The following JAG1 variants were observed in gnomAD, a reference collection of about 807,000 sequenced individuals.
The protein encoded by JAG1 is protein jagged-1.
Under a neutral mutation model 148.7 loss-of-function variants are expected in JAG1, and 23 were observed. The observed-to-expected ratio is 0.15, with a 90% CI of 0.11 to 0.22. The LOEUF is 0.22. Among genes scored for constraint, JAG1 ranks in the 10% least tolerant of loss-of-function variants. The pLI, the probability that JAG1 is intolerant of heterozygous loss-of-function variation, is 1.00. For synonymous variants in JAG1, 572 were observed against 598.3 expected (o/e 0.96, Z 0.64); for missense variants, 1,054 against 1,611.2 (o/e 0.65, Z 5.92).
rs148990028 is a variant in JAG1 at position 10,652,540 on chromosome 20, C to T, written c.814G>A (p.Val272Ile). The T allele has an allele frequency of 1.2e-4, 188 of 1,613,668 alleles. 1 individual carries two copies. The African/African-American group carries it at 1.6e-3, about 13-fold the overall frequency. Residue 272 changes from valine to isoleucine, a missense_variant, in exon 6 of 26, where the codon GTC (valine) becomes ATC (isoleucine). This residue lies in a region of JAG1 where 104 missense variants were observed against 235.2 expected (regional missense o/e 0.44). Coordinates refer to ENST00000254958, the MANE Select transcript of JAG1 (RefSeq NM_000214.3). The part of the protein sequence containing the change: ...CDKCIPHPGC[V>I]HGICNEPWQC... The stretch of plus-strand genomic sequence containing the variant: ...CAGGGCTCATTACAGATGCCGTGGA[C>T]GCATCCCGGGTGTGGGATGCACTTA...
chr20:10,642,563 C>T lies in JAG1; in HGVS notation c.2497G>A (p.Ala833Thr), dbSNP rs574205422. Residue 833 changes from alanine (A) to threonine (T), a missense_variant, in exon 21 of 26, where the codon GCG becomes ACG. Coordinates refer to ENST00000254958, the MANE Select transcript of JAG1 (RefSeq NM_000214.3). ...CCATTGATCTCATCCACACAGGTCG[C>T]TCCAAAGGCACAAGGTGAAGACTGG... ...ECQSSPCAFG[A>T]TCVDEINGYR... The T allele has an allele frequency of 4.3e-5, 70 of 1,613,948 alleles. 1 individual carries two copies. The South Asian group carries it at 6.0e-4, about 14-fold the overall frequency.
chr20:10,665,176 A>C (rs1188322074), intron 2 of JAG1, among the ~76,000 whole-genome samples: 1 of 152,208 alleles, frequency 6.6e-6, no homozygotes, highest in African/African-American at 2.4e-5. Flanking sequence ...AAGCACCTAT[A>C]AGATAAAGGA....
chr20:10,661,034 T>C (rs2067413548), intron 3 of JAG1, among the ~76,000 whole-genome samples: 1 of 152,242 alleles, frequency 6.6e-6, no homozygotes, highest in Admixed American at 6.5e-5. Context: ...TGCCTATTTA[T>C]GTTTACATGT....
rs754301929 is a variant in JAG1, at chr20:10,644,902, C to T, written c.2305G>A (p.Val769Ile). Residue 769 changes from valine (V) to isoleucine (I), a missense_variant, in exon 18 of 26, where the codon GTC becomes ATC. Around this residue, in one of 6 missense-constraint regions of JAG1, gnomAD observed 342 missense variants for 514.6 expected, o/e 0.66. Transcript: ENST00000254958. ...CVVNGESFTCVCKEGWEGPIC... is the reference protein window; with the variant it reads ...CVVNGESFTCICKEGWEGPIC... Reference sequence around the variant, plus strand: ...GGCCCCTCCCAGCCTTCCTTGCAGACGCACGTAAAGGACTCGCCGTTGACC... The same window carrying T: ...GGCCCCTCCCAGCCTTCCTTGCAGATGCACGTAAAGGACTCGCCGTTGACC... 14 of 1,613,922 alleles carry T rather than the reference C, an allele frequency of 8.7e-6. No individual in the cohort carries two copies. The highest frequency in any genetic ancestry group is 4.5e-5 in the East Asian group (2 of 44,886).
In JAG1 at chr20:10,641,592, G is replaced by A. The variant is rs2067272520; in HGVS notation, c.2784C>T (p.His928=). The A allele has an allele frequency of 3.1e-6, 5 of 1,614,122 alleles. No individual in the cohort carries two copies. Among genetic ancestry groups the A allele is most frequent in the Non-Finnish European group, 4.2e-6 (5 of 1,179,968 alleles). Residue 928 remains histidine, a synonymous_variant, in exon 23 of 26, where the codon CAC becomes CAT. Coordinates refer to ENST00000254958, the MANE Select transcript of JAG1 (RefSeq NM_000214.3). ...IPILDDQCFV[H]PCTGVGECRS... is the part of the protein sequence containing the mutation. ...GACACTCGCCCACACCAGTGCAGGGGTGGACGAAGCACTGGTCGTCCAGGA... is the reference window on the plus strand; with the variant it reads ...GACACTCGCCCACACCAGTGCAGGGATGGACGAAGCACTGGTCGTCCAGGA...
Position 10,641,873 on chromosome 20 carries a change from G to T in JAG1, c.2592C>A (p.Ile864=). 1 of 1,612,724 alleles carries T rather than the reference G, an allele frequency of 6.2e-7. No individual in the cohort carries two copies. Among genetic ancestry groups the T allele is most frequent in the Non-Finnish European group, 8.5e-7 (1 of 1,178,674 alleles). ...KCQEVSGRPC[I]TMGSVIPDGA... ...CATCTGGTATCACACTCCCCATGGT[G>T]ATGCAAGGTCTCCCTGAAACTGACA... is the stretch of plus-strand genomic sequence containing the variant. The change falls in exon 22 of 26, where the codon ATC becomes ATA. Residue 864 remains isoleucine (I), a synonymous_variant. Transcript: ENST00000254958.
At chr20:10,641,750 C>CACA (rs1568792215) in intron 22 of JAG1, 33 bp downstream of exon 22, 1 of 1,608,686 alleles carries the variant, frequency 6.2e-7, no homozygotes, top group Non-Finnish European at 8.5e-7. Context: ...GATTCCAGAA[C>CACA]ACAGGTGAAC....
At chr20:10,652,736 C>A in intron 5 of JAG1, 138 bp from the exon 6 acceptor site, 2 of 824,852 alleles carry the variant, frequency 2.4e-6, no homozygotes, top group South Asian at 3.0e-5. Context: ...CAAGGCTCAT[C>A]AGGGGCTCCG....
At chr20:10,670,164 G>A (rs992174553) in intron 2 of JAG1, among the ~76,000 whole-genome samples, 9 of 152,118 alleles carry the variant, frequency 5.9e-5, no homozygotes, top group African/African-American at 1.2e-4. Context: ...TGACCAAATC[G>A]TTTCCTCCTC....
chr20:10,672,051 G>A (rs979899111), intron 2 of JAG1, among the ~76,000 whole-genome samples: 2 of 152,108 alleles, frequency 1.3e-5, no homozygotes, highest in African/African-American at 4.8e-5. Context: ...CGGGGGCGGG[G>A]GCAGGAAGGG....
At chr20:10,664,603 G>A (rs2067440854) in intron 2 of JAG1, among the ~76,000 whole-genome samples, 1 of 152,122 alleles carries the variant, frequency 6.6e-6, no homozygotes, top group Admixed American at 6.6e-5. Context: ...AAACAGGAGG[G>A]GGTAGATGCA....
chr20:10,672,654 C>A (rs754496526), intron 2 of JAG1, 47 bp downstream of exon 2: 1 of 1,587,506 alleles, frequency 6.3e-7, no homozygotes, highest in South Asian at 1.1e-5. Context: ...CTCGGCCAGG[C>A]GCGGGTGTGA....
rs531019589 is a variant in JAG1 at position 10,650,326 on chromosome 20, G to A, written c.1155C>T (p.His385=). 20 of 1,613,428 alleles carry A rather than the reference G, an allele frequency of 1.2e-5. No individual in the cohort carries two copies. In the Admixed American group the frequency reaches 1.3e-4, roughly 11 times the overall value. ...TAACCAGGTCCTGGCAGGTGCCCCC[G>A]TGGGAACAGTTATTAGGAGAACAGT... ...IDDCSPNNCS[H]GGTCQDLVNG... is the part of the protein sequence containing the mutation. The change falls in exon 9 of 26, where the codon CAC becomes CAT. Residue 385 remains histidine (H), a synonymous_variant. Coordinates refer to ENST00000254958, the MANE Select transcript of JAG1 (RefSeq NM_000214.3).
At chr20:10,647,361 A>T in intron 13 of JAG1, 1 of 544,948 alleles carries the variant, frequency 1.8e-6, no homozygotes, top group Non-Finnish European at 3.3e-6. Flanking sequence ...GATCCCCTTC[A>T]TCCTACCTTT....
At chr20:10,646,280 T>C in intron 14 of JAG1, 196 bp from the exon 15 acceptor site, 2 of 607,760 alleles carry the variant, frequency 3.3e-6, no homozygotes, top group Non-Finnish European at 6.0e-6. Flanking sequence ...CTTACCCACT[T>C]AATGCCCTCA....
chr20:10,664,846 C>G (rs886443604), intron 2 of JAG1, among the ~76,000 whole-genome samples: 2 of 152,190 alleles, frequency 1.3e-5, no homozygotes, highest in African/African-American at 4.8e-5. Flanking sequence ...CACCTTTTAT[C>G]TTCCAAGCTT....
intron 6 of JAG1, 38 bp from the exon 7 acceptor site, chr20:10,652,288 T>C (rs763492967): frequency 3.1e-6 from 5 of 1,612,664 alleles, no homozygotes; most frequent in Non-Finnish European, 4.2e-6. Context: ...GAGACGCCTG[T>C]GAAGATGGCG....
chr20:10,644,272 A>T lies in JAG1; in HGVS notation c.2372+85T>A, dbSNP rs979159394. 9 of 1,021,624 alleles carry T rather than the reference A, an allele frequency of 8.8e-6. No homozygotes were observed. In the African/African-American group the frequency reaches 1.2e-4, roughly 13 times the overall value. 63.3% of individuals were successfully genotyped at this position (1,021,624 alleles called of 1,614,324 possible). On this transcript the variant is annotated intron_variant, in intron 19 of 25. Transcript: ENST00000254958. ...GCATTTTAAACACAATCCCTGGGTG[A>T]TTCTCACACACACACACACACACAC...
chr20:10,641,249 A>G lies in JAG1; in HGVS notation c.2917-5T>C. On this transcript the variant is annotated splice_region_variant and splice_polypyrimidine_tract_variant and intron_variant, in intron 23 of 25. Transcript: ENST00000254958. ...AATGTGCTCCGTAGTAAGACCCTAA[A>G]ACGATTTTTAAAAACCCACACACGT... 2 of 1,613,712 alleles carry G rather than the reference A, an allele frequency of 1.2e-6. No individual in the cohort carries two copies. The highest frequency in any genetic ancestry group is 8.5e-7 in the Non-Finnish European group (1 of 1,179,984).
Sources: allele counts gnomAD v4.1 joint callset (sites outside exome capture counted in the v4.1 genomes callset), GRCh38; gene constraint gnomAD v4.1.1; regional missense constraint gnomAD v4.1.1; transcripts MANE v1.5; gene names NCBI Gene and HGNC (gene_info 2026-07-23, HGNC 2026-07-21).